The following FHOD3 variants were observed in gnomAD, a reference collection of about 807,000 sequenced individuals.
FHOD3 encodes the protein formin homology 2 domain containing 3, also known as FH1/FH2 domain-containing protein 3.
In FHOD3, 90 loss-of-function variants were observed where a neutral mutation model predicts 173.0. The observed-to-expected ratio is 0.52, with a 90% CI of 0.44 to 0.62. FHOD3 has a LOEUF of 0.62. FHOD3 is among the 20% of genes least tolerant of loss of function. The pLI is 0.00. For synonymous variants in FHOD3, 828 were observed against 823.0 expected (o/e 1.01, Z -0.10); for missense variants, 1,945 against 2,034.7 (o/e 0.96, Z 0.85).
intron 6 of FHOD3, among the ~76,000 whole-genome samples, chr18:36,580,197 G>A (rs2058796886): frequency 1.3e-5 from 2 of 152,200 alleles, no homozygotes; most frequent in East Asian, 1.9e-4. Context: ...CACTCGGTGT[G>A]TGCTTCCTCA....
At chr18:36,345,182 C>T (rs530457280) in intron 1 of FHOD3, among the ~76,000 whole-genome samples, 27 of 150,066 alleles carry the variant, frequency 1.8e-4, no homozygotes, top group African/African-American at 6.2e-4. Context: ...CAAGAAATTT[C>T]GAAGAATTCC....
At chr18:36,557,201 A>G (rs1459941791) in intron 5 of FHOD3, among the ~76,000 whole-genome samples, 1 of 152,168 alleles carries the variant, frequency 6.6e-6, no homozygotes, top group African/African-American at 2.4e-5. Flanking sequence ...ACAATTTTGA[A>G]CAAATTTTGA....
At chr18:36,635,542 G>C (rs76682740) in intron 10 of FHOD3, among the ~76,000 whole-genome samples, 15,556 of 152,240 alleles carry the variant, frequency 0.1, 1,065 homozygotes, top group Non-Finnish European at 0.15. Flanking sequence ...CAGGGGAAGA[G>C]AGAAGGGAAA....
At chr18:36,720,487 C>G (rs1043533312) in intron 19 of FHOD3, among the ~76,000 whole-genome samples, 2 of 152,068 alleles carry the variant, frequency 1.3e-5, no homozygotes, top group African/African-American at 4.8e-5. Flanking sequence ...ATCCACCTGC[C>G]TCAGCCTCCC....
At chr18:36,497,969 T>C (rs2054834401) in intron 3 of FHOD3, among the ~76,000 whole-genome samples, 1 of 152,190 alleles carries the variant, frequency 6.6e-6, no homozygotes, top group Admixed American at 6.5e-5. Context: ...AAATAAGCCT[T>C]AATAAGTCTA....
intron 2 of FHOD3, among the ~76,000 whole-genome samples, chr18:36,363,338 C>T (rs531651847): frequency 6.6e-6 from 1 of 152,340 alleles, no homozygotes; most frequent in Admixed American, 6.5e-5. Context: ...ATGGAAAAGC[C>T]TGCACGTATT....
chr18:36,693,008 G>C (rs1199122347), intron 16 of FHOD3: 1 of 604,790 alleles, frequency 1.7e-6, no homozygotes. Flanking sequence ...AATTTGCTTG[G>C]TTATGAGTGA....
chr18:36,762,505 A>G (rs1477833287), intron 27 of FHOD3, among the ~76,000 whole-genome samples: 2 of 152,174 alleles, frequency 1.3e-5, no homozygotes, highest in African/African-American at 4.8e-5. Context: ...ACCTTTTAAT[A>G]TAGGGCATCA....
rs2040563042 is a variant in FHOD3, at chr18:36,718,157, C to T, written c.2859C>T (p.Ser953=). 1.2e-6 allele frequency: 2 copies of T among 1,610,136 alleles called. No homozygotes were observed. The highest frequency in any genetic ancestry group is 1.1e-5 in the South Asian group (1 of 90,388). ...KFNSGDLGRG[S]ISPDAEPNDK... is the part of the protein sequence containing the mutation. ...ACAGTGGGGACCTGGGGAGAGGTTC[C>T]ATCTCCCCTGATGCTGAGCCCAATG... The change falls in exon 19 of 29, where the codon TCC becomes TCT. Residue 953 remains serine (S), a synonymous_variant. Coordinates refer to ENST00000590592, the MANE Select transcript of FHOD3 (RefSeq NM_001281740.3).
rs572377070 is a variant in FHOD3, at chr18:36,568,262, G to A, written c.512-8189G>A. On this transcript the variant is annotated intron_variant, in intron 5 of 28. Transcript: ENST00000590592. The stretch of plus-strand genomic sequence containing the variant: ...CTGAGGTACCAGAATCACTTGAACC[G>A]GGGAGGCAGAGTTTGCAGCGAACTG... Among the ~76,000 whole-genome samples the A allele has an allele frequency of 2.2e-5, 3 of 138,034 alleles. No individual in the cohort carries two copies. In the East Asian group the frequency reaches 6.7e-4, roughly 31 times the overall value. The allele number at this position is 138,034 out of a possible 152,430, so 90.6% of individuals were successfully genotyped here.
At chr18:36,719,828 G>A (rs935288158) in intron 19 of FHOD3, among the ~76,000 whole-genome samples, 10 of 152,178 alleles carry the variant, frequency 6.6e-5, no homozygotes, top group African/African-American at 2.4e-4. Flanking sequence ...GCCTGTCACT[G>A]CTGTGGGATG....
At chr18:36,549,532 CTTTTTT>C (rs386387404) in intron 5 of FHOD3, among the ~76,000 whole-genome samples, 3 of 71,218 alleles carry the variant, frequency 4.2e-5, no homozygotes, top group African/African-American at 5.7e-5. Context: ...TCTAAGAAAT[CTTTTTT>C]TTTTTTTTTT....
chr18:36,448,612 GT>G (rs1438064302), intron 3 of FHOD3, among the ~76,000 whole-genome samples: 1 of 152,142 alleles, frequency 6.6e-6, no homozygotes, highest in Non-Finnish European at 1.5e-5. Context: ...GTGAGGGAGG[GT>G]TTTGTTTGGA....
chr18:36,439,521 ATGTGTGTGTGTGTGTG>A (rs33931333), intron 3 of FHOD3, among the ~76,000 whole-genome samples: 351 of 144,834 alleles, frequency 2.4e-3, no homozygotes, highest in Non-Finnish European at 3.8e-3. Flanking sequence ...AACCAATAGA[ATGTGTGTGTGTGTGTG>A]TGTGTGTGTG....
At chr18:36,401,990 C>A (rs959698811) in intron 3 of FHOD3, among the ~76,000 whole-genome samples, 8 of 152,164 alleles carry the variant, frequency 5.3e-5, no homozygotes, top group Non-Finnish European at 1.2e-4. Context: ...GGACGTATGT[C>A]TTCACTTCTC....
intron 17 of FHOD3, among the ~76,000 whole-genome samples, chr18:36,703,678 G>A (rs1325481984): frequency 6.6e-6 from 1 of 152,124 alleles, no homozygotes; most frequent in Admixed American, 6.5e-5. Flanking sequence ...TTGGGATTTG[G>A]GAGGGACAAA....
chr18:36,598,711 G>A (rs1347329765), intron 7 of FHOD3, among the ~76,000 whole-genome samples: 1 of 152,046 alleles, frequency 6.6e-6, no homozygotes, highest in East Asian at 1.9e-4. Flanking sequence ...CACCTCACCT[G>A]GCTAATTTTT....
chr18:36,676,027 A>G (rs903672943), intron 14 of FHOD3, among the ~76,000 whole-genome samples: 1 of 152,258 alleles, frequency 6.6e-6, no homozygotes, highest in Non-Finnish European at 1.5e-5. Context: ...TAAGAGAAAT[A>G]GAATGGCTTT....
At chr18:36,706,233 C>T (rs75665171) in intron 17 of FHOD3, among the ~76,000 whole-genome samples, 1,683 of 152,246 alleles carry the variant, frequency 0.011, 22 homozygotes, top group African/African-American at 0.039. Flanking sequence ...TAGAGAAGGG[C>T]TCTGCCGTGG....
Sources: gnomAD v4.1 joint callset for allele counts (sites outside exome capture counted in the v4.1 genomes callset) on GRCh38, gnomAD v4.1.1 for gene constraint, MANE v1.5 for transcripts, NCBI Gene and HGNC (gene_info 2026-07-23, HGNC 2026-07-21) for gene names.